The following PARD3 variants were observed in gnomAD, a reference collection of about 807,000 sequenced individuals.
PARD3 encodes par-3 family cell polarity regulator.
Under a neutral mutation model 155.4 loss-of-function variants are expected in PARD3, and 75 were observed. That is an observed-to-expected ratio of 0.48 (90% CI 0.40 to 0.58). The LOEUF (loss-of-function observed/expected upper bound fraction) is 0.58. PARD3 is among the 20% of genes least tolerant of loss of function. The pLI is 0.00. For missense variants in PARD3, 1,642 were observed against 1,721.7 expected (o/e 0.95, Z 0.82); for synonymous variants, 576 against 610.5 (o/e 0.94, Z 0.83).
At chr10:34,254,377 TCAAAAA>T (rs142761750) in intron 22 of PARD3, among the ~76,000 whole-genome samples, 11,383 of 142,962 alleles carry the variant, frequency 0.08, 1,251 homozygotes, top group African/African-American at 0.25. Flanking sequence ...AGACTCTGTC[TCAAAAA>T]CAAAAACAAA....
chr10:34,678,693 A>G (rs1450568213), intron 2 of PARD3, among the ~76,000 whole-genome samples: 1 of 152,236 alleles, frequency 6.6e-6, no homozygotes, highest in Admixed American at 6.5e-5. Flanking sequence ...GATAGCACAG[A>G]AAATATCAGT....
At chr10:34,636,938 T>C (rs2092499235) in intron 2 of PARD3, among the ~76,000 whole-genome samples, 2 of 152,340 alleles carry the variant, frequency 1.3e-5, no homozygotes, top group South Asian at 2.1e-4. Flanking sequence ...CCGAGTCTTA[T>C]CCATTCACAG....
At chr10:34,589,788 G>C (rs2088495323) in intron 2 of PARD3, among the ~76,000 whole-genome samples, 1 of 151,876 alleles carries the variant, frequency 6.6e-6, no homozygotes, top group Non-Finnish European at 1.5e-5. Flanking sequence ...TTAATCAAGT[G>C]TTGCATTTTT....
At chr10:34,750,373 T>TA (rs1835845603) in intron 1 of PARD3, among the ~76,000 whole-genome samples, 1 of 151,846 alleles carries the variant, frequency 6.6e-6, no homozygotes. Context: ...TGATTATTTT[T>TA]AAAATAAAAT....
intron 22 of PARD3, among the ~76,000 whole-genome samples, chr10:34,225,904 A>G (rs540706786): frequency 6.6e-6 from 1 of 152,336 alleles, no homozygotes; most frequent in East Asian, 1.9e-4. Flanking sequence ...ATCGAAATTA[A>G]AAACTTTTAT....
chr10:34,380,278 C>T (rs1032138000), intron 9 of PARD3, among the ~76,000 whole-genome samples: 1 of 152,076 alleles, frequency 6.6e-6, no homozygotes, highest in Non-Finnish European at 1.5e-5. Flanking sequence ...TACATTCTCA[C>T]AGTTGGTAAA....
At chr10:34,798,662 G>A (rs538037914) in intron 1 of PARD3, among the ~76,000 whole-genome samples, 11 of 127,974 alleles carry the variant, frequency 8.6e-5, no homozygotes, top group South Asian at 2.6e-4. Flanking sequence ...CCGAGATGTC[G>A]CCATTGCACT....
At chr10:34,774,952 AC>A (rs1839356375) in intron 1 of PARD3, among the ~76,000 whole-genome samples, 1 of 152,248 alleles carries the variant, frequency 6.6e-6, no homozygotes. Flanking sequence ...TAATAGTAGA[AC>A]CCAGTGGAGG....
intron 1 of PARD3, among the ~76,000 whole-genome samples, chr10:34,789,029 A>G (rs1841323903): frequency 6.6e-6 from 1 of 152,278 alleles, no homozygotes; most frequent in South Asian, 2.1e-4. Flanking sequence ...AGATTATTAC[A>G]ATATTTTAAA....
At chr10:34,704,513 T>C (rs1213662382) in intron 1 of PARD3, among the ~76,000 whole-genome samples, 1 of 152,162 alleles carries the variant, frequency 6.6e-6, no homozygotes, top group East Asian at 1.9e-4. Flanking sequence ...AGTGGGGGCA[T>C]AGCACACATA....
chr10:34,790,148 G>A (rs537395759), intron 1 of PARD3, among the ~76,000 whole-genome samples: 8 of 152,294 alleles, frequency 5.3e-5, no homozygotes, highest in South Asian at 4.1e-4. Flanking sequence ...AGGTGGAGGC[G>A]TGGTGAGCAA....
intron 7 of PARD3, among the ~76,000 whole-genome samples, chr10:34,385,095 A>C (rs1156228436): frequency 2.6e-5 from 4 of 152,186 alleles, no homozygotes; most frequent in Non-Finnish European, 5.9e-5. Flanking sequence ...CAGGGGTCTT[A>C]ACCTAGCTCT....
At chr10:34,779,376 G>A (rs534083075) in intron 1 of PARD3, among the ~76,000 whole-genome samples, 30 of 152,072 alleles carry the variant, frequency 2.0e-4, no homozygotes, top group Non-Finnish European at 3.1e-4. Flanking sequence ...TTGGGAGGCC[G>A]AGGCCCAGCA....
At chr10:34,723,807 C>T (rs1056426784) in intron 1 of PARD3, among the ~76,000 whole-genome samples, 4 of 152,134 alleles carry the variant, frequency 2.6e-5, no homozygotes, top group Non-Finnish European at 2.9e-5. Flanking sequence ...TTGAGCACAC[C>T]GCAGGGATGC....
chr10:34,367,442 A>C (rs1476291046), intron 12 of PARD3, among the ~76,000 whole-genome samples: 1 of 152,252 alleles, frequency 6.6e-6, no homozygotes, highest in African/African-American at 2.4e-5. Flanking sequence ...GCAGTGGCTC[A>C]CGCCTGTAAT....
chr10:34,349,581 A>AAAAAAC (rs1837808902), intron 14 of PARD3, among the ~76,000 whole-genome samples: 1 of 32,482 alleles, frequency 3.1e-5, no homozygotes, highest in Non-Finnish European at 6.3e-5. Context: ...CTGGGAAAGT[A>AAAAAAC]AAAAAAAAAA....
At chr10:34,399,552 T>G in intron 6 of PARD3, 139 bp from the exon 7 acceptor site, 3 of 650,520 alleles carry the variant, frequency 4.6e-6, no homozygotes, top group Non-Finnish European at 8.3e-6. Flanking sequence ...TCCCACCAAG[T>G]GCATAGGCAT....
chr10:34,798,771 G>A (rs1358555603), intron 1 of PARD3, among the ~76,000 whole-genome samples: 1 of 151,348 alleles, frequency 6.6e-6, no homozygotes, highest in African/African-American at 2.4e-5. Flanking sequence ...CAGCCTTTGA[G>A]CATGCTGGCT....
intron 2 of PARD3, among the ~76,000 whole-genome samples, chr10:34,677,282 A>G (rs564810417): frequency 6.6e-6 from 1 of 152,168 alleles, no homozygotes; most frequent in South Asian, 2.1e-4. Flanking sequence ...TGAGTTTGCA[A>G]CCAGCCTGGG....
Sources: allele counts gnomAD v4.1 joint callset (sites outside exome capture counted in the v4.1 genomes callset), GRCh38; gene constraint gnomAD v4.1.1; transcripts MANE v1.5; gene names NCBI Gene and HGNC (gene_info 2026-07-23, HGNC 2026-07-21).